Variants in PCDHA1 observed in about 807,000 individuals in gnomAD.
The protein encoded by PCDHA1 is protocadherin alpha-1.
In PCDHA1, 42 loss-of-function variants were observed where a neutral mutation model predicts 61.3. That is an observed-to-expected ratio of 0.69 (90% CI 0.54 to 0.89). The LOEUF is 0.89. PCDHA1 is among the 40% of genes least tolerant of loss of function. The pLI, the probability that PCDHA1 is intolerant of heterozygous loss-of-function variation, is 0.00. For synonymous variants in PCDHA1, 610 were observed against 553.8 expected (o/e 1.10, Z -1.43); for missense variants, 1,256 against 1,235.3 (o/e 1.02, Z -0.25).
intron 1 of PCDHA1, chr5:140,926,870 G>A: frequency 6.6e-7 from 1 of 1,524,514 alleles, no homozygotes; most frequent in South Asian, 1.3e-5. Context: ...CGTGTTGGTG[G>A]AACGTGGACG....
At chr5:140,842,812 G>A in intron 1 of PCDHA1, 1 of 1,594,038 alleles carries the variant, frequency 6.3e-7, no homozygotes, top group Non-Finnish European at 8.6e-7. Flanking sequence ...TTGTGGAGCG[G>A]CGGGTGGGCG....
At chr5:140,797,886 T>C (rs1762276716) in intron 1 of PCDHA1, among the ~76,000 whole-genome samples, 1 of 152,200 alleles carries the variant, frequency 6.6e-6, no homozygotes, top group African/African-American at 2.4e-5. Flanking sequence ...ACAGTCTTGC[T>C]CTGTCACCTA....
Position 140,982,561 on chromosome 5 carries a change from C to T in PCDHA1, c.2540C>T (p.Pro847Leu), listed in dbSNP as rs560422677. 11 of 1,614,060 alleles carry T rather than the reference C, an allele frequency of 6.8e-6. No individual in the cohort carries two copies. Among genetic ancestry groups the T allele is most frequent in the Non-Finnish European group, 9.3e-6 (11 of 1,179,970 alleles). Residue 847 changes from proline to leucine, a missense_variant and splice_region_variant, in exon 3 of 4, where the codon CCA becomes CTA. Pro to Leu is a moderately conservative substitution (Grantham distance 98). Coordinates refer to ENST00000504120, the MANE Select transcript of PCDHA1 (RefSeq NM_018900.4). Reference protein sequence around the residue: ...QQWPTVSSATPEPEAGEVSPP... With the variant: ...QQWPTVSSATLEPEAGEVSPP... ...TGGCCAACAGTATCCAGTGCAACAC[C>T]AGGTAAAGAGCTGGGGTCTCTCCAT...
chr5:140,786,443 C>G lies in PCDHA1; in HGVS notation c.153C>G (p.Asp51Glu). 1 of 1,613,488 alleles carries G rather than the reference C, an allele frequency of 6.2e-7. No individual in the cohort carries two copies. Among genetic ancestry groups the G allele is most frequent in the South Asian group, 1.1e-5 (1 of 91,050 alleles). The change falls in exon 1 of 4, where the codon GAC becomes GAG. Residue 51 changes from aspartate (D) to glutamate (E), a missense_variant. Transcript: ENST00000504120. ...HGTFVGRVAQDLGLELAELVP... is the reference protein window; with the variant it reads ...HGTFVGRVAQELGLELAELVP... ...CCTTCGTTGGCCGCGTTGCTCAGGACCTGGGACTGGAGCTGGCGGAGCTGG... is the reference window on the plus strand; with the variant it reads ...CCTTCGTTGGCCGCGTTGCTCAGGAGCTGGGACTGGAGCTGGCGGAGCTGG...
chr5:140,875,530 C>T lies in PCDHA1; in HGVS notation c.2394+86846C>T, dbSNP rs782004877. On this transcript the variant is annotated intron_variant, in intron 1 of 3. Transcript: ENST00000504120. Reference sequence around the variant, plus strand: ...CCAGCGTCTGCTGCTCTCGCTTCTGCTCCTTGCAGCCTGGGAGGTGGGGAG... The same window carrying T: ...CCAGCGTCTGCTGCTCTCGCTTCTGTTCCTTGCAGCCTGGGAGGTGGGGAG... 9 of 1,614,004 alleles carry T rather than the reference C, an allele frequency of 5.6e-6. No individual in the cohort carries two copies. The South Asian group carries it at 8.8e-5, about 16-fold the overall frequency.
Position 140,801,979 on chromosome 5 carries a change from T to C in PCDHA1, c.2394+13295T>C, listed in dbSNP as rs782630700. 2.3e-5 allele frequency: 37 copies of C among 1,614,090 alleles called. No homozygotes were observed. Among genetic ancestry groups the C allele is most frequent in the Non-Finnish European group, 2.8e-5 (33 of 1,180,044 alleles). On this transcript the variant is annotated intron_variant, in intron 1 of 3. Transcript: ENST00000504120. ...GAAAATGCACCAAATGGTACCCTAG[T>C]GGTGACCGTTAACGCCACCGATTTG...
At chr5:140,789,623 A>G (rs1217743356) in intron 1 of PCDHA1, among the ~76,000 whole-genome samples, 2 of 152,200 alleles carry the variant, frequency 1.3e-5, no homozygotes, top group Non-Finnish European at 2.9e-5. Flanking sequence ...AAGGCTTAGC[A>G]TTGCATGTAT....
chr5:140,795,609 T>C, intron 1 of PCDHA1: 1 of 1,614,208 alleles, frequency 6.2e-7, no homozygotes. Flanking sequence ...TGGTGGCTAC[T>C]GATGGGGGCA....
intron 1 of PCDHA1, chr5:140,822,476 C>G (rs2150116671): frequency 6.2e-7 from 1 of 1,613,670 alleles, no homozygotes; most frequent in Non-Finnish European, 8.5e-7. Context: ...GTATTGGATG[C>G]TAATGATAAC....
intron 1 of PCDHA1, chr5:140,967,776 C>T: frequency 1.2e-6 from 2 of 1,614,148 alleles, no homozygotes; most frequent in East Asian, 2.2e-5. Flanking sequence ...TATGTGCAGG[C>T]GACTGACCGG....
intron 1 of PCDHA1, among the ~76,000 whole-genome samples, chr5:140,978,326 G>A: frequency 6.6e-6 from 1 of 152,202 alleles, no homozygotes; most frequent in East Asian, 1.9e-4. Flanking sequence ...ACAAGTACAA[G>A]TTTATGAAAA....
At chr5:140,807,210 G>T in intron 1 of PCDHA1, 3 of 1,613,852 alleles carry the variant, frequency 1.9e-6, no homozygotes, top group Non-Finnish European at 2.5e-6. Flanking sequence ...TGGGGAAGCG[G>T]CCAGGAATCC....
chr5:140,800,023 C>T (rs1316073962), intron 1 of PCDHA1, among the ~76,000 whole-genome samples: 6 of 152,072 alleles, frequency 3.9e-5, no homozygotes, highest in Non-Finnish European at 8.8e-5. Flanking sequence ...TCTCCCTTCA[C>T]TGTTTAGTTA....
At chr5:140,955,470 G>C (rs1459601597) in intron 1 of PCDHA1, among the ~76,000 whole-genome samples, 2 of 151,850 alleles carry the variant, frequency 1.3e-5, no homozygotes, top group African/African-American at 4.8e-5. Context: ...CTTTTTGCTT[G>C]GCACCTCTCC....
At chr5:140,841,688 G>A in intron 1 of PCDHA1, 1 of 1,613,948 alleles carries the variant, frequency 6.2e-7, no homozygotes, top group Non-Finnish European at 8.5e-7. Flanking sequence ...GGACGTGGAG[G>A]TGAAGGATGT....
intron 1 of PCDHA1, chr5:140,856,268 C>T: frequency 1.3e-6 from 2 of 1,598,206 alleles, no homozygotes; most frequent in Admixed American, 1.7e-5. Context: ...CGGGGACCTT[C>T]TGGAGGTAAA....
chr5:140,828,082 G>A (rs2150150737), intron 1 of PCDHA1: 46 of 1,582,796 alleles, frequency 2.9e-5, no homozygotes, highest in Non-Finnish European at 3.7e-5. Context: ...TAAAACCAGA[G>A]GTATTTGACA....
chr5:140,968,317 A>G (rs144335538), intron 1 of PCDHA1: 1 of 1,613,890 alleles, frequency 6.2e-7, no homozygotes, highest in African/African-American at 1.3e-5. Context: ...AAGGGCTGCC[A>G]GTCACCTCCT....
intron 1 of PCDHA1, among the ~76,000 whole-genome samples, chr5:140,890,939 G>A (rs1236920048): frequency 6.6e-6 from 1 of 152,106 alleles, no homozygotes; most frequent in Admixed American, 6.6e-5. Flanking sequence ...GTCCAAAGAT[G>A]CTGGTGAGGA....
Sources: gnomAD v4.1 joint callset for allele counts (sites outside exome capture counted in the v4.1 genomes callset) on GRCh38, gnomAD v4.1.1 for gene constraint, MANE v1.5 for transcripts, NCBI Gene and HGNC (gene_info 2026-07-23, HGNC 2026-07-21) for gene names.